PTPRD: variants seen among roughly 807,000 people sequenced by gnomAD.
PTPRD encodes the protein receptor-type tyrosine-protein phosphatase delta.
In PTPRD, 34 loss-of-function variants were observed where a neutral mutation model predicts 214.5. The ratio of observed to expected loss-of-function variants is 0.16; its 90% CI spans 0.12 to 0.21. The LOEUF (loss-of-function observed/expected upper bound fraction) is 0.21, where lower values mean the gene tolerates loss of function less well. Among genes scored for constraint, PTPRD ranks in the 10% least tolerant of loss-of-function variants. The pLI is 1.00. For missense variants in PTPRD, 2,545 were observed against 2,398.7 expected (o/e 1.06, Z -1.27); for synonymous variants, 1,128 against 845.7 (o/e 1.33, Z -5.79).
intron 39 of PTPRD, among the ~76,000 whole-genome samples, chr9:8,344,790 C>T (rs1222894894): frequency 5.3e-5 from 8 of 151,862 alleles, no homozygotes; most frequent in African/African-American, 1.9e-4. Context: ...CATTTTAACC[C>T]CTTCCTTATA....
intron 5 of PTPRD, among the ~76,000 whole-genome samples, chr9:9,829,081 T>G (rs1182533049): frequency 6.6e-6 from 1 of 151,864 alleles, no homozygotes; most frequent in Admixed American, 6.6e-5. Context: ...AATAAAAAAT[T>G]TAAACATATT....
chr9:8,485,703 T>C, intron 28 of PTPRD, 59 bp downstream of exon 28: 3 of 1,422,940 alleles, frequency 2.1e-6, no homozygotes, highest in Admixed American at 4.4e-5. Flanking sequence ...TTCAAAATAC[T>C]GATTTCCAAA....
intron 44 of PTPRD, among the ~76,000 whole-genome samples, chr9:8,321,511 A>G (rs1400237365): frequency 7.7e-6 from 1 of 129,082 alleles, no homozygotes; most frequent in South Asian, 2.5e-4. Context: ...ATATATATAT[A>G]TATATATATA....
intron 2 of PTPRD, among the ~76,000 whole-genome samples, chr9:10,546,965 G>C: frequency 6.6e-6 from 1 of 152,094 alleles, no homozygotes; most frequent in African/African-American, 2.4e-5. Flanking sequence ...TTTTTTAATC[G>C]TGTGAGGGAC....
At chr9:10,403,041 C>T (rs759758096) in intron 2 of PTPRD, among the ~76,000 whole-genome samples, 1 of 151,168 alleles carries the variant, frequency 6.6e-6, no homozygotes, top group Non-Finnish European at 1.5e-5. Flanking sequence ...AGGTTCCCCA[C>T]ATCAACATAA....
rs1001975097 is a variant in PTPRD, at chr9:9,850,087, G to A, written c.-367-83236C>T. Among the ~76,000 whole-genome samples the A allele has an allele frequency of 4.6e-5, 7 of 152,014 alleles. No individual in the cohort carries two copies. The East Asian group carries it at 7.7e-4, about 17-fold the overall frequency. On this transcript the variant is annotated intron_variant, in intron 5 of 45. Coordinates refer to ENST00000381196, the MANE Select transcript of PTPRD (RefSeq NM_002839.4). ...ATTCCAAATCAACAAACACCAGCCCGTCACACCCCAGATCCACCACCCAAA... is the reference window on the plus strand; with the variant it reads ...ATTCCAAATCAACAAACACCAGCCCATCACACCCCAGATCCACCACCCAAA...
chr9:8,976,330 A>G (rs999431230), intron 11 of PTPRD, among the ~76,000 whole-genome samples: 2 of 152,092 alleles, frequency 1.3e-5, no homozygotes, highest in Non-Finnish European at 1.5e-5. Context: ...CTAGTTCATG[A>G]TAGAACTAGG....
At chr9:10,407,632 T>C (rs773857069) in intron 2 of PTPRD, among the ~76,000 whole-genome samples, 1 of 151,566 alleles carries the variant, frequency 6.6e-6, no homozygotes, top group Non-Finnish European at 1.5e-5. Flanking sequence ...ATTTGGCCAA[T>C]ACTCTTCTGT....
intron 14 of PTPRD, among the ~76,000 whole-genome samples, chr9:8,566,554 G>A (rs1254488330): frequency 6.6e-6 from 1 of 152,184 alleles, no homozygotes; most frequent in East Asian, 1.9e-4. Context: ...TCACCTCTGA[G>A]TAGGGCAAGA....
intron 3 of PTPRD, among the ~76,000 whole-genome samples, chr9:10,318,573 C>G (rs2154425695): frequency 6.6e-6 from 1 of 152,108 alleles, no homozygotes; most frequent in South Asian, 2.1e-4. Context: ...TTACTGCTAG[C>G]TACATTGGAG....
chr9:10,062,974 A>G lies in PTPRD; in HGVS notation c.-544-29184T>C, dbSNP rs1045920590. Among the ~76,000 whole-genome samples the G allele has an allele frequency of 5.9e-5, 9 of 152,176 alleles. 1 individual carries two copies. The highest frequency in any genetic ancestry group is 5.9e-4 in the Admixed American group (9 of 15,260). ...TTTGTAGGTACCATGAGAACATTTT[A>G]TTGCCCTAAGAATTAATATGTTAAG... On this transcript the variant is annotated intron_variant, in intron 3 of 45. Transcript: ENST00000381196.
intron 5 of PTPRD, among the ~76,000 whole-genome samples, chr9:9,779,099 A>AAAAAAAAAAAAAAG (rs1565195907): frequency 6.7e-6 from 1 of 148,744 alleles, no homozygotes; most frequent in African/African-American, 2.5e-5. Flanking sequence ...AAAAAAAAAA[A>AAAAAAAAAAAAAAG]AAAAAGCAAT....
chr9:8,827,432 C>T (rs905355290), intron 11 of PTPRD, among the ~76,000 whole-genome samples: 1 of 152,114 alleles, frequency 6.6e-6, no homozygotes, highest in Non-Finnish European at 1.5e-5. Context: ...CATGGTGAAA[C>T]CCCATCTCTA....
chr9:9,713,876 G>A (rs1469033230), intron 7 of PTPRD, among the ~76,000 whole-genome samples: 1 of 151,966 alleles, frequency 6.6e-6, no homozygotes, highest in African/African-American at 2.4e-5. Flanking sequence ...TTAATCATGG[G>A]ATGTCTTTCT....
intron 4 of PTPRD, among the ~76,000 whole-genome samples, chr9:9,999,617 G>A (rs1299470982): frequency 1.3e-5 from 2 of 152,152 alleles, no homozygotes; most frequent in Admixed American, 6.5e-5. Flanking sequence ...TTATAGTCAC[G>A]CTACTATTTG....
At chr9:8,774,016 A>C (rs1243154840) in intron 11 of PTPRD, among the ~76,000 whole-genome samples, 1 of 152,066 alleles carries the variant, frequency 6.6e-6, no homozygotes, top group African/African-American at 2.4e-5. Context: ...CAACGCGCAA[A>C]GGAGCCATCT....
chr9:10,396,369 T>C (rs550507690), intron 2 of PTPRD, among the ~76,000 whole-genome samples: 4 of 152,094 alleles, frequency 2.6e-5, no homozygotes, highest in East Asian at 2.0e-4. Flanking sequence ...GGCTTGGCAA[T>C]AGACCATGTA....
rs150005912 is a variant in PTPRD, at chr9:8,748,780, G to A, written c.-103-14834C>T. ...TACAAGATTAGCCAGGCATGGTGGCGCATGCCTGTAATCCCAGCTACTCGG... is the reference window on the plus strand; with the variant it reads ...TACAAGATTAGCCAGGCATGGTGGCACATGCCTGTAATCCCAGCTACTCGG... On this transcript the variant is annotated intron_variant, in intron 11 of 45. Coordinates refer to ENST00000381196, the MANE Select transcript of PTPRD (RefSeq NM_002839.4). Among the ~76,000 whole-genome samples, 394 of 152,076 alleles carry A rather than the reference G, an allele frequency of 2.6e-3. 2 individuals carry two copies. The highest frequency in any genetic ancestry group is 8.2e-3 in the African/African-American group (340 of 41,526).
At chr9:10,323,707 T>C (rs1461672466) in intron 3 of PTPRD, among the ~76,000 whole-genome samples, 1 of 151,964 alleles carries the variant, frequency 6.6e-6, no homozygotes, top group East Asian at 2.0e-4. Context: ...TGCTATTTAG[T>C]TCTAATCTTA....
Sources: allele counts gnomAD v4.1 joint callset (sites outside exome capture counted in the v4.1 genomes callset), GRCh38; gene constraint gnomAD v4.1.1; transcripts MANE v1.5; gene names NCBI Gene and HGNC (gene_info 2026-07-23, HGNC 2026-07-21).